BAZ2B: variants seen among roughly 807,000 people sequenced by gnomAD.
The protein encoded by BAZ2B is bromodomain adjacent to zinc finger domain protein 2B.
In BAZ2B, 91 loss-of-function variants were observed where a neutral mutation model predicts 246.0. That is an observed-to-expected ratio of 0.37 (90% CI 0.31 to 0.44). BAZ2B has a LOEUF of 0.44. Ranked by LOEUF, BAZ2B falls within the 20% of genes least tolerant of loss-of-function variation. BAZ2B has a pLI of 1.00. For missense variants in BAZ2B, 2,332 were observed against 2,533.7 expected, an observed-to-expected ratio of 0.92 and a Z score of 1.71; for synonymous variants, 855 against 860.0, an observed-to-expected ratio of 0.99 and a Z score of 0.10.
intron 17 of BAZ2B, 26 bp from the exon 18 acceptor site, chr2:159,398,920 G>A (rs1399843179): frequency 6.3e-7 from 1 of 1,598,794 alleles, no homozygotes; most frequent in East Asian, 2.2e-5. Flanking sequence ...AGGTCTCAAA[G>A]TCATGCAACA....
At chr2:159,699,428 T>C in the BAZ2B span, among the ~76,000 whole-genome samples, 1 of 152,024 alleles carries the variant, frequency 6.6e-6, no homozygotes, top group Admixed American at 6.6e-5. Flanking sequence ...TCCTAGGTAC[T>C]TTGGAAGCTG....
chr2:159,447,173 G>A (rs983754743), intron 5 of BAZ2B, among the ~76,000 whole-genome samples, 198 bp from the exon 6 acceptor site: 22 of 151,568 alleles, frequency 1.5e-4, no homozygotes, highest in African/African-American at 4.8e-4. Context: ...AAAACTGATC[G>A]CTTCCAGGGC....
chr2:159,398,207 G>A (rs963988302), intron 18 of BAZ2B: 5 of 152,072 alleles, frequency 3.3e-5, no homozygotes, highest in Admixed American at 2.6e-4. Flanking sequence ...ACTGGTGGAC[G>A]GCAGGGTGGG....
chr2:159,458,049 C>T (rs1230124157), intron 3 of BAZ2B, among the ~76,000 whole-genome samples: 1 of 152,132 alleles, frequency 6.6e-6, no homozygotes, highest in African/African-American at 2.4e-5. Context: ...CTCCAGCCAC[C>T]CAGGCTGGAG....
chr2:159,370,267 T>G (rs1406712258), intron 27 of BAZ2B, among the ~76,000 whole-genome samples: 3 of 151,404 alleles, frequency 2.0e-5, no homozygotes, highest in African/African-American at 7.3e-5. Flanking sequence ...CATGTATACA[T>G]ATGTAACAAA....
intron 25 of BAZ2B, 28 bp from the exon 26 acceptor site, chr2:159,374,781 T>C: frequency 6.3e-7 from 1 of 1,584,732 alleles, no homozygotes. Context: ...CAGTGTCATT[T>C]ATCTGTTTTA....
At chr2:159,599,935 CAA>C (rs11303439) in intron 1 of BAZ2B, among the ~76,000 whole-genome samples, 71 of 101,562 alleles carry the variant, frequency 7.0e-4, no homozygotes, top group African/African-American at 1.8e-3. Context: ...GACTCCTTCT[CAA>C]AAAAAAAAAA....
intron 1 of BAZ2B, among the ~76,000 whole-genome samples, chr2:159,603,245 ATAAT>A (rs1220810951): frequency 6.6e-6 from 1 of 152,276 alleles, no homozygotes; most frequent in Non-Finnish European, 1.5e-5. Flanking sequence ...TATAATCCAA[ATAAT>A]TAAGAGCTAA....
At chr2:159,391,350 T>C (rs1261635782) in intron 20 of BAZ2B, among the ~76,000 whole-genome samples, 1 of 152,144 alleles carries the variant, frequency 6.6e-6, no homozygotes, top group Non-Finnish European at 1.5e-5. Flanking sequence ...CATGTCACTC[T>C]ATGATGTCTG....
intron 13 of BAZ2B, among the ~76,000 whole-genome samples, chr2:159,419,377 C>A (rs2068329422): frequency 6.6e-6 from 1 of 152,064 alleles, no homozygotes; most frequent in South Asian, 2.1e-4. Context: ...AGAAAAAAAT[C>A]AAAATTTTGT....
intron 27 of BAZ2B, among the ~76,000 whole-genome samples, chr2:159,351,937 G>C (rs557742877): frequency 6.6e-6 from 1 of 152,234 alleles, no homozygotes; most frequent in Admixed American, 6.5e-5. Flanking sequence ...GGTAGCCATG[G>C]TTAATTACAT....
At chr2:159,680,441 A>G in the BAZ2B span, among the ~76,000 whole-genome samples, 2 of 152,228 alleles carry the variant, frequency 1.3e-5, no homozygotes, top group Non-Finnish European at 2.9e-5. Context: ...AACAGATTAA[A>G]ATGTCAAATA....
chr2:159,484,523 C>T (rs1212507801), intron 2 of BAZ2B, among the ~76,000 whole-genome samples: 1 of 152,088 alleles, frequency 6.6e-6, no homozygotes, highest in Non-Finnish European at 1.5e-5. Flanking sequence ...CAATTCTGAG[C>T]GCAAATAAAA....
the BAZ2B span, among the ~76,000 whole-genome samples, chr2:159,710,483 C>A: frequency 1.3e-5 from 2 of 152,176 alleles, no homozygotes; most frequent in African/African-American, 4.8e-5. Context: ...GCTGGGATTA[C>A]AGGCATGAGC....
intron 3 of BAZ2B, among the ~76,000 whole-genome samples, chr2:159,465,904 A>G (rs1257391427): frequency 6.7e-6 from 1 of 150,282 alleles, no homozygotes; most frequent in Non-Finnish European, 1.5e-5. Flanking sequence ...ACAGAGTGAG[A>G]CCCTGTCTCA....
At chr2:159,346,694 C>A (rs1020473963) in intron 31 of BAZ2B, among the ~76,000 whole-genome samples, 4 of 151,808 alleles carry the variant, frequency 2.6e-5, no homozygotes, top group African/African-American at 7.3e-5. Flanking sequence ...ATCTCAAAAA[C>A]AAAAAACAAA....
chr2:159,704,891 A>G, the BAZ2B span, among the ~76,000 whole-genome samples: 1 of 151,778 alleles, frequency 6.6e-6, no homozygotes, highest in Non-Finnish European at 1.5e-5. Flanking sequence ...TTTAATAGAG[A>G]CGAGGTTTCA....
At chr2:159,669,156 A>G in the BAZ2B span, among the ~76,000 whole-genome samples, 7 of 152,172 alleles carry the variant, frequency 4.6e-5, no homozygotes, top group South Asian at 8.3e-4. Context: ...TTGTATTTTC[A>G]TTATCATTCC....
chr2:159,320,497 T>C, intron 36 of BAZ2B, 79 bp from the exon 37 acceptor site: 1 of 1,240,906 alleles, frequency 8.1e-7, no homozygotes, highest in Non-Finnish European at 1.1e-6. Context: ...TAATAAAGGG[T>C]AAAAATGAAA....
Sources: gnomAD v4.1 joint callset for allele counts (sites outside exome capture counted in the v4.1 genomes callset) on GRCh38, gnomAD v4.1.1 for gene constraint, MANE v1.5 for transcripts, NCBI Gene and HGNC (gene_info 2026-07-23, HGNC 2026-07-21) for gene names.